Variants in RIMS2 observed in about 807,000 individuals in gnomAD.
The protein encoded by RIMS2 is regulating synaptic membrane exocytosis protein 2.
RIMS2 carries 59 observed loss-of-function variants against 174.4 expected under a neutral mutation model. The ratio of observed to expected loss-of-function variants is 0.34; its 90% CI spans 0.27 to 0.42. The LOEUF is 0.42. Among genes scored for constraint, RIMS2 ranks in the 10% least tolerant of loss-of-function variants. The pLI is 1.00. For missense variants in RIMS2, 1,620 were observed against 1,666.3 expected, an observed-to-expected ratio of 0.97 and a Z score of 0.48; for synonymous variants, 606 against 572.5, an observed-to-expected ratio of 1.06 and a Z score of -0.84.
chr8:103,935,817 C>T (rs966017878), intron 12 of RIMS2, among the ~76,000 whole-genome samples: 11 of 152,034 alleles, frequency 7.2e-5, no homozygotes, highest in Admixed American at 7.2e-4. Context: ...TTTTTGGTTT[C>T]TGTTTTAGTA....
chr8:103,866,854 C>CTTATT (rs984581271), intron 3 of RIMS2, among the ~76,000 whole-genome samples: 15 of 151,986 alleles, frequency 9.9e-5, no homozygotes, highest in East Asian at 3.9e-4. Context: ...TTTTGTGACT[C>CTTATT]TTATTTTATT....
chr8:104,006,289 C>T (rs2095573125), intron 17 of RIMS2, among the ~76,000 whole-genome samples: 1 of 152,090 alleles, frequency 6.6e-6, no homozygotes, highest in South Asian at 2.1e-4. Context: ...GTAGCTCACG[C>T]CTGTAATCCC....
At chr8:103,854,688 A>T (rs1295750900) in intron 3 of RIMS2, among the ~76,000 whole-genome samples, 3 of 151,834 alleles carry the variant, frequency 2.0e-5, no homozygotes, top group African/African-American at 7.3e-5. Context: ...TGTATCTTGA[A>T]CCATCCTTGT....
At chr8:103,506,608 T>C (rs2130932960) in intron 1 of RIMS2, among the ~76,000 whole-genome samples, 1 of 152,278 alleles carries the variant, frequency 6.6e-6, no homozygotes, top group South Asian at 2.1e-4. Flanking sequence ...GCATAAGTAG[T>C]GGTGCAATAA....
intron 19 of RIMS2, among the ~76,000 whole-genome samples, chr8:104,110,779 A>G (rs980527845): frequency 5.9e-5 from 9 of 152,180 alleles, no homozygotes; most frequent in African/African-American, 2.2e-4. Flanking sequence ...AAATTTGGGA[A>G]CTACTACACA....
intron 9 of RIMS2, 115 bp from the exon 13 acceptor site, chr8:103,921,557 A>C: frequency 1.6e-6 from 1 of 611,832 alleles, no homozygotes; most frequent in Non-Finnish European, 2.9e-6. Context: ...TGGTCTATAT[A>C]ATGACACCTT....
intron 3 of RIMS2, among the ~76,000 whole-genome samples, chr8:103,792,783 A>C (rs770243348): frequency 6.6e-6 from 1 of 152,180 alleles, no homozygotes; most frequent in African/African-American, 2.4e-5. Flanking sequence ...ACAAACTACC[A>C]TCAGAGAATA....
At position 103,630,750 on chromosome 8, in the gene RIMS2, A is replaced by G. The variant is rs777279891; in HGVS notation, c.177-66336A>G. On this transcript the variant is annotated intron_variant, in intron 1 of 23. Transcript: ENST00000504942. ...TATAGATAAAATAAAATGAAATACTAGAATATTAAAATATGCTGCAGTAAC... is the reference window on the plus strand; with the variant it reads ...TATAGATAAAATAAAATGAAATACTGGAATATTAAAATATGCTGCAGTAAC... Among the ~76,000 whole-genome samples, 7 of 152,288 alleles carry G rather than the reference A, an allele frequency of 4.6e-5. No homozygotes were observed. In the East Asian group the frequency reaches 7.7e-4, roughly 17 times the overall value.
chr8:103,575,699 T>TACAC (rs1554643253), intron 1 of RIMS2, among the ~76,000 whole-genome samples: 13 of 149,398 alleles, frequency 8.7e-5, no homozygotes, highest in African/African-American at 3.2e-4. Context: ...TATATATATA[T>TACAC]ACACATACAG....
chr8:103,863,905 T>G (rs1411843962), intron 3 of RIMS2, among the ~76,000 whole-genome samples: 1 of 120,532 alleles, frequency 8.3e-6, no homozygotes, highest in African/African-American at 3.6e-5. Context: ...TTTTGTTTTT[T>G]TTGTTTGTTT....
At chr8:103,696,228 T>A (rs1321471041) in intron 1 of RIMS2, among the ~76,000 whole-genome samples, 1 of 152,168 alleles carries the variant, frequency 6.6e-6, no homozygotes, top group Admixed American at 6.5e-5. Context: ...TCAAATCTAC[T>A]CAAGAGCCCC....
chr8:104,155,482 C>T (rs1371212532), intron 19 of RIMS2, among the ~76,000 whole-genome samples: 2 of 136,260 alleles, frequency 1.5e-5, no homozygotes, highest in Non-Finnish European at 3.0e-5. Context: ...GGCGCGATCT[C>T]GGCTCACTGC....
chr8:104,208,532 C>A (rs960878813), intron 19 of RIMS2, among the ~76,000 whole-genome samples: 1 of 151,402 alleles, frequency 6.6e-6, no homozygotes, highest in Non-Finnish European at 1.5e-5. Flanking sequence ...CGAGCCACTG[C>A]ACTCCAGCCT....
At chr8:103,732,013 T>C (rs766926007) in intron 2 of RIMS2, among the ~76,000 whole-genome samples, 17 of 152,240 alleles carry the variant, frequency 1.1e-4, no homozygotes, top group Non-Finnish European at 2.1e-4. Context: ...TGTCTGGGCA[T>C]TGAAGAGTTA....
chr8:103,620,119 T>C (rs2077178691), intron 1 of RIMS2, among the ~76,000 whole-genome samples: 1 of 152,172 alleles, frequency 6.6e-6, no homozygotes, highest in South Asian at 2.1e-4. Context: ...GTCAAACTGT[T>C]GGCTAATAAA....
chr8:103,991,408 T>C (rs750105057), intron 17 of RIMS2, among the ~76,000 whole-genome samples: 4 of 151,840 alleles, frequency 2.6e-5, no homozygotes, highest in Non-Finnish European at 5.9e-5. Flanking sequence ...GAATAAAAAA[T>C]TTAAAAGTTC....
At chr8:103,953,848 C>T (rs2086233570) in intron 14 of RIMS2, among the ~76,000 whole-genome samples, 1 of 152,002 alleles carries the variant, frequency 6.6e-6, no homozygotes, top group South Asian at 2.1e-4. Flanking sequence ...GTGCTGTATT[C>T]AGGAGACCCA....
chr8:103,661,102 T>A (rs2096594694), intron 1 of RIMS2, among the ~76,000 whole-genome samples: 1 of 152,202 alleles, frequency 6.6e-6, no homozygotes, highest in African/African-American at 2.4e-5. Context: ...CCTATTTTTA[T>A]TTAGAGTTTA....
At chr8:103,960,980 A>G (rs932602769) in intron 14 of RIMS2, 85 bp from the exon 17 acceptor site, 3 of 767,798 alleles carry the variant, frequency 3.9e-6, no homozygotes, top group African/African-American at 1.7e-5. Flanking sequence ...CACTCAGAAT[A>G]TTTTCGTTTG....
Sources: allele counts gnomAD v4.1 joint callset (sites outside exome capture counted in the v4.1 genomes callset), GRCh38; gene constraint gnomAD v4.1.1; transcripts MANE v1.5; gene names NCBI Gene and HGNC (gene_info 2026-07-23, HGNC 2026-07-21).